Variants in FER observed in about 807,000 individuals in gnomAD.
FER encodes FER tyrosine kinase.
In FER, 63 loss-of-function variants were observed where a neutral mutation model predicts 111.0. That is an observed-to-expected ratio of 0.57 (90% CI 0.46 to 0.70). FER has a LOEUF of 0.70. Among genes scored for constraint, FER ranks in the 30% least tolerant of loss-of-function variants. FER has a pLI of 0.00. For synonymous variants in FER, 327 were observed against 313.9 expected (o/e 1.04, Z -0.44); for missense variants, 914 against 954.0 (o/e 0.96, Z 0.55).
At chr5:109,064,817 C>T (rs552651366) in intron 16 of FER, among the ~76,000 whole-genome samples, 30 of 152,272 alleles carry the variant, frequency 2.0e-4, no homozygotes, top group Admixed American at 1.0e-3. Context: ...GTTATGAATA[C>T]ATATGTATCC....
intron 17 of FER, among the ~76,000 whole-genome samples, chr5:109,174,741 T>A (rs947670798): frequency 2.6e-5 from 4 of 152,226 alleles, no homozygotes; most frequent in African/African-American, 7.2e-5. Flanking sequence ...CTAAAGGTCA[T>A]CCATTTTGGC....
chr5:109,078,968 A>G (rs80047875), intron 16 of FER, among the ~76,000 whole-genome samples: 16,209 of 152,162 alleles, frequency 0.11, 891 homozygotes, highest in Non-Finnish European at 0.13. Context: ...ATGACATTGC[A>G]TTCACTTCTA....
At chr5:109,095,061 C>G (rs985543028) in intron 16 of FER, among the ~76,000 whole-genome samples, 35 of 152,164 alleles carry the variant, frequency 2.3e-4, no homozygotes, top group African/African-American at 7.7e-4. Flanking sequence ...TGGTTATATT[C>G]TCAAAAATCA....
At chr5:108,809,430 T>C (rs1280309681) in intron 3 of FER, among the ~76,000 whole-genome samples, 1 of 152,254 alleles carries the variant, frequency 6.6e-6, no homozygotes, top group Non-Finnish European at 1.5e-5. Context: ...CTCTGACTGA[T>C]TTCTCTTTAA....
intron 5 of FER, among the ~76,000 whole-genome samples, chr5:108,841,285 A>G (rs1313106555): frequency 1.3e-5 from 2 of 152,176 alleles, no homozygotes; most frequent in Non-Finnish European, 2.9e-5. Context: ...AGGTACTTAA[A>G]TGCAAAATAC....
chr5:109,091,249 A>G (rs1242999483), intron 16 of FER, among the ~76,000 whole-genome samples: 2 of 152,178 alleles, frequency 1.3e-5, no homozygotes, highest in East Asian at 1.9e-4. Flanking sequence ...TGGGGAACCC[A>G]TTGGACCTTG....
chr5:108,836,080 T>C (rs1760629177), intron 5 of FER, among the ~76,000 whole-genome samples: 1 of 152,072 alleles, frequency 6.6e-6, no homozygotes, highest in Non-Finnish European at 1.5e-5. Context: ...ATTTTCTCTC[T>C]TGCATCATAT....
chr5:109,085,561 A>G (rs139199789), intron 16 of FER, among the ~76,000 whole-genome samples: 5 of 151,132 alleles, frequency 3.3e-5, no homozygotes, highest in African/African-American at 1.2e-4. Flanking sequence ...GAATTATAGC[A>G]CTGGGATAGA....
At chr5:109,134,950 CG>C (rs1214093758) in intron 17 of FER, among the ~76,000 whole-genome samples, 2 of 152,090 alleles carry the variant, frequency 1.3e-5, no homozygotes, top group Non-Finnish European at 2.9e-5. Flanking sequence ...TTGTGATCTT[CG>C]TAAGGGCAGA....
intron 1 of FER, among the ~76,000 whole-genome samples, chr5:108,759,018 A>G (rs1035808878): frequency 1.1e-4 from 17 of 152,232 alleles, no homozygotes; most frequent in African/African-American, 3.9e-4. Context: ...TTGTTTAAGT[A>G]CTGCATCTAG....
chr5:109,006,678 G>A (rs550186602), intron 13 of FER, among the ~76,000 whole-genome samples: 4 of 152,220 alleles, frequency 2.6e-5, no homozygotes, highest in Admixed American at 6.5e-5. Context: ...AACAAAAATA[G>A]GAAGGGTGGG....
At chr5:108,817,224 C>T (rs1758382229) in intron 3 of FER, among the ~76,000 whole-genome samples, 1 of 146,522 alleles carries the variant, frequency 6.8e-6, no homozygotes, top group African/African-American at 2.5e-5. Flanking sequence ...AAGAGAGGCT[C>T]TTATGAATGG....
At chr5:108,876,610 A>T (rs911163444) in intron 8 of FER, among the ~76,000 whole-genome samples, 1 of 152,212 alleles carries the variant, frequency 6.6e-6, no homozygotes, top group Non-Finnish European at 1.5e-5. Context: ...TTATTGAATT[A>T]GATGAAGAAA....
intron 5 of FER, among the ~76,000 whole-genome samples, chr5:108,839,797 G>T (rs1284868101): frequency 6.6e-6 from 1 of 151,728 alleles, no homozygotes; most frequent in South Asian, 2.1e-4. Context: ...CAGGATGGTC[G>T]CGATCTCCTG....
chr5:109,111,779 T>A (rs1341983278), intron 17 of FER, among the ~76,000 whole-genome samples: 1 of 152,044 alleles, frequency 6.6e-6, no homozygotes, highest in Non-Finnish European at 1.5e-5. Flanking sequence ...CTCACTATCA[T>A]GAGAACAGCA....
intron 5 of FER, among the ~76,000 whole-genome samples, chr5:108,843,527 A>T (rs901484021): frequency 6.6e-6 from 1 of 151,246 alleles, no homozygotes; most frequent in Admixed American, 6.6e-5. Context: ...TTGAAAGTTG[A>T]ATTTTTTTTT....
chr5:108,774,292 C>G (rs1452558750), intron 2 of FER, among the ~76,000 whole-genome samples: 1 of 152,134 alleles, frequency 6.6e-6, no homozygotes, highest in Non-Finnish European at 1.5e-5. Flanking sequence ...TTTCTTTATC[C>G]AGTCTATCAT....
chr5:108,867,632 G>C, intron 5 of FER, 135 bp from the exon 6 acceptor site: 1 of 798,818 alleles, frequency 1.3e-6, no homozygotes, highest in South Asian at 1.7e-5. Context: ...CACATATTAT[G>C]TGTTCAATAA....
intron 13 of FER, among the ~76,000 whole-genome samples, chr5:108,972,077 T>A (rs2149699935): frequency 6.6e-6 from 1 of 152,218 alleles, no homozygotes; most frequent in Non-Finnish European, 1.5e-5. Flanking sequence ...AATGTTTTGC[T>A]TTTTAGATTT....
Sources: allele counts gnomAD v4.1 joint callset (sites outside exome capture counted in the v4.1 genomes callset), GRCh38; gene constraint gnomAD v4.1.1; transcripts MANE v1.5; gene names NCBI Gene and HGNC (gene_info 2026-07-23, HGNC 2026-07-21).